The following KDM4C variants were observed in gnomAD, a reference collection of about 807,000 sequenced individuals.
KDM4C encodes lysine-specific demethylase 4C.
A neutral mutation model predicts 129.3 loss-of-function variants in KDM4C; 81 were observed. The ratio of observed to expected loss-of-function variants is 0.63; its 90% confidence interval spans 0.52 to 0.75. The LOEUF (loss-of-function observed/expected upper bound fraction) is 0.75, where lower values mean the gene tolerates loss of function less well. Ranked by LOEUF, KDM4C falls within the 30% of genes least tolerant of loss-of-function variation. The pLI, the probability that KDM4C is intolerant of heterozygous loss-of-function variation, is 0.00. For missense variants in KDM4C, 1,457 were observed against 1,304.0 expected, an observed-to-expected ratio of 1.12 and a Z score of -1.81; for synonymous variants, 573 against 456.1, an observed-to-expected ratio of 1.26 and a Z score of -3.26.
intron 8 of KDM4C, among the ~76,000 whole-genome samples, chr9:6,903,004 A>G (rs1015867444): frequency 2.1e-4 from 32 of 151,958 alleles, no homozygotes; most frequent in Non-Finnish European, 3.4e-4. Flanking sequence ...AATCCCTTGG[A>G]AAAAACACCA....
At chr9:6,929,837 A>C (rs1015620287) in intron 8 of KDM4C, among the ~76,000 whole-genome samples, 1 of 152,188 alleles carries the variant, frequency 6.6e-6, no homozygotes, top group African/African-American at 2.4e-5. Context: ...GGCTTCTTTC[A>C]AATGTTTTCT....
At chr9:7,173,680 G>C (rs1174300739) in intron 21 of KDM4C, among the ~76,000 whole-genome samples, 1 of 152,176 alleles carries the variant, frequency 6.6e-6, no homozygotes, top group Non-Finnish European at 1.5e-5. Flanking sequence ...AGTGCCTTTA[G>C]GTTTCTGGCC....
rs1320525496 is a variant in KDM4C at position 7,029,086 on chromosome 9, A to T, written c.2259+13157A>T. On this transcript the variant is annotated intron_variant, in intron 15 of 21. Transcript: ENST00000381309. ...TAAATTTGGTGTTCCTCCAGAGGGG[A>T]TGATTCGTGGAGCCTTCTATTTGGC... Among the ~76,000 whole-genome samples the T allele has an allele frequency of 2.0e-5, 3 of 152,030 alleles. No homozygotes were observed. The East Asian group carries it at 5.8e-4, about 29-fold the overall frequency.
chr9:6,812,941 C>T (rs139762204), intron 3 of KDM4C, among the ~76,000 whole-genome samples: 3 of 152,230 alleles, frequency 2.0e-5, no homozygotes, highest in African/African-American at 7.2e-5. Flanking sequence ...GTTGGGAGGC[C>T]GATGCAGGCG....
At chr9:6,942,918 T>C (rs991151834) in intron 8 of KDM4C, among the ~76,000 whole-genome samples, 15 of 152,198 alleles carry the variant, frequency 9.9e-5, no homozygotes, top group Non-Finnish European at 1.5e-4. Flanking sequence ...CTCGGCTGAG[T>C]GCAGTGGCAT....
chr9:7,014,454 T>G (rs1203508631), intron 14 of KDM4C: 1 of 155,284 alleles, frequency 6.4e-6, no homozygotes, highest in Admixed American at 6.3e-5. Flanking sequence ...AGGATAGGAA[T>G]CTCTATTGTA....
At chr9:6,779,296 G>A (rs1013464747) in intron 1 of KDM4C, among the ~76,000 whole-genome samples, 16 of 152,216 alleles carry the variant, frequency 1.1e-4, no homozygotes, top group African/African-American at 1.9e-4. Context: ...GATTACAGGC[G>A]TGAGCCACCG....
At chr9:6,952,364 A>C (rs990908070) in intron 8 of KDM4C, among the ~76,000 whole-genome samples, 45 of 151,222 alleles carry the variant, frequency 3.0e-4, no homozygotes, top group Admixed American at 2.3e-3. Flanking sequence ...TAATGTTGTT[A>C]GGCCAATACT....
At chr9:6,914,677 C>A (rs1463790624) in intron 8 of KDM4C, among the ~76,000 whole-genome samples, 1 of 152,234 alleles carries the variant, frequency 6.6e-6, no homozygotes, top group East Asian at 1.9e-4. Flanking sequence ...AATGATTAGG[C>A]ATTGAGGGCT....
chr9:6,739,163 C>T (rs938835180), intron 1 of KDM4C, among the ~76,000 whole-genome samples: 5 of 152,112 alleles, frequency 3.3e-5, no homozygotes, highest in African/African-American at 1.2e-4. Flanking sequence ...ACCTCTGCCT[C>T]CTGGGTTCAA....
chr9:6,796,578 G>T (rs1298434875), intron 2 of KDM4C, among the ~76,000 whole-genome samples: 1 of 152,214 alleles, frequency 6.6e-6, no homozygotes, highest in Non-Finnish European at 1.5e-5. Flanking sequence ...GGAGCTGCAT[G>T]CACACAGAGC....
intron 5 of KDM4C, among the ~76,000 whole-genome samples, chr9:6,868,647 G>C (rs1228566826): frequency 1.3e-5 from 2 of 152,062 alleles, no homozygotes; most frequent in Non-Finnish European, 2.9e-5. Context: ...AGGGAATACT[G>C]ACCAGAGAAA....
chr9:7,051,367 C>G (rs1204884592), intron 17 of KDM4C, among the ~76,000 whole-genome samples: 1 of 152,064 alleles, frequency 6.6e-6, no homozygotes, highest in East Asian at 1.9e-4. Context: ...GTGTCTGTGC[C>G]CCAGTCTTCA....
At chr9:7,071,506 T>C (rs777555871) in intron 17 of KDM4C, among the ~76,000 whole-genome samples, 22 of 152,198 alleles carry the variant, frequency 1.4e-4, no homozygotes, top group Admixed American at 9.8e-4. Flanking sequence ...CATGTGTTTT[T>C]CAGTAAAAGT....
rs969375596 is a variant in KDM4C, at chr9:7,070,834, C to T, written c.2424+21634C>T. 2.6e-5 allele frequency among the ~76,000 whole-genome samples: 4 copies of T among 152,134 alleles called. No homozygotes were observed. The South Asian group carries it at 8.3e-4, about 31-fold the overall frequency. On this transcript the variant is annotated intron_variant, in intron 17 of 21. Coordinates refer to ENST00000381309, the MANE Select transcript of KDM4C (RefSeq NM_015061.6). ...AGTTCCCATCACTCCTATTCAACCT[C>T]ATACTGAGTGCAGATCCTAGCTGGT...
intron 8 of KDM4C, chr9:6,925,240 C>T (rs59967511): frequency 0.35 from 347,167 of 984,318 alleles, 62,518 homozygotes; most frequent in South Asian, 0.43. Context: ...GAGCTTCAGA[C>T]GGAATAATTA....
intron 18 of KDM4C, among the ~76,000 whole-genome samples, chr9:7,113,632 A>G (rs1838580851): frequency 6.6e-6 from 1 of 152,178 alleles, no homozygotes; most frequent in Non-Finnish European, 1.5e-5. Context: ...AGCATACTCT[A>G]CGAAAGAAGG....
intron 8 of KDM4C, among the ~76,000 whole-genome samples, chr9:6,940,630 GA>G (rs74874322): frequency 0.26 from 38,853 of 151,664 alleles, 5,416 homozygotes; most frequent in South Asian, 0.4. Context: ...TTGAAAGTGG[GA>G]AAAAAAACGT....
chr9:7,063,314 C>T (rs781073996), intron 17 of KDM4C, among the ~76,000 whole-genome samples: 1 of 152,182 alleles, frequency 6.6e-6, no homozygotes, highest in Non-Finnish European at 1.5e-5. Flanking sequence ...ATTTTGATGT[C>T]TAACAATTTA....
Sources: gnomAD v4.1 joint callset for allele counts (sites outside exome capture counted in the v4.1 genomes callset) on GRCh38, gnomAD v4.1.1 for gene constraint, MANE v1.5 for transcripts, NCBI Gene and HGNC (gene_info 2026-07-23, HGNC 2026-07-21) for gene names.